The following SEMA6A variants were observed in gnomAD, a reference collection of about 807,000 sequenced individuals.
SEMA6A encodes the protein semaphorin-6A.
In SEMA6A, 25 loss-of-function variants were observed where a neutral mutation model predicts 96.8. The ratio of observed to expected loss-of-function variants is 0.26; its 90% CI spans 0.19 to 0.36. SEMA6A has a LOEUF of 0.36. SEMA6A is among the 10% of genes least tolerant of loss of function. SEMA6A has a pLI of 1.00. For missense variants in SEMA6A, 1,363 were observed against 1,323.1 expected (o/e 1.03, Z -0.47); for synonymous variants, 612 against 518.0 (o/e 1.18, Z -2.46).
rs780547423 is a variant in SEMA6A at position 116,478,534 on chromosome 5, C to T, written c.1427+8G>A. Reference sequence around the variant, plus strand: ...AATTACTAAGAAAGAACCAAATATTCCACTTACTTTTCAGAGTTGTAAACA... The same window carrying T: ...AATTACTAAGAAAGAACCAAATATTTCACTTACTTTTCAGAGTTGTAAACA... On this transcript the variant is annotated splice_region_variant and intron_variant, in intron 13 of 18. Coordinates refer to ENST00000343348, the MANE Select transcript of SEMA6A (RefSeq NM_020796.5). The T allele has an allele frequency of 2.1e-5, 34 of 1,599,328 alleles. 1 individual carries two copies. The highest frequency in any genetic ancestry group is 2.0e-5 in the Non-Finnish European group (23 of 1,172,882).
chr5:116,449,474 ACTT>A, intron 18 of SEMA6A: 1 of 619,796 alleles, frequency 1.6e-6, no homozygotes, highest in South Asian at 1.9e-5. Context: ...GCAACCTTAA[ACTT>A]CTACTGAAAT....
intron 1 of SEMA6A, among the ~76,000 whole-genome samples, chr5:116,549,904 G>A (rs254228): frequency 0.53 from 80,778 of 151,944 alleles, 22,266 homozygotes; most frequent in Middle Eastern, 0.67. Flanking sequence ...GATCGGTCAC[G>A]GCACACATTC....
intron 18 of SEMA6A, among the ~76,000 whole-genome samples, chr5:116,455,236 G>C (rs1334888935): frequency 6.6e-6 from 1 of 152,162 alleles, no homozygotes; most frequent in South Asian, 2.1e-4. Flanking sequence ...GCCAATGGGA[G>C]TGCTACAGCC....
At chr5:116,573,888 G>GA (rs2112931826) in intron 1 of SEMA6A, among the ~76,000 whole-genome samples, 1 of 152,168 alleles carries the variant, frequency 6.6e-6, no homozygotes, top group African/African-American at 2.4e-5. Flanking sequence ...ACCCCCAGGA[G>GA]GAACAGCCAT....
intron 1 of SEMA6A, among the ~76,000 whole-genome samples, chr5:116,506,725 C>T (rs1325210005): frequency 6.6e-6 from 1 of 151,982 alleles, no homozygotes; most frequent in Non-Finnish European, 1.5e-5. Context: ...GCAACTTTTA[C>T]CAGGAGCTCA....
chr5:116,479,292 A>T (rs1329738012), intron 12 of SEMA6A, among the ~76,000 whole-genome samples: 1 of 152,208 alleles, frequency 6.6e-6, no homozygotes, highest in Non-Finnish European at 1.5e-5. Context: ...CATACCTGGG[A>T]TAAGTCCTAC....
rs1343940347 is a variant in SEMA6A at position 116,533,864 on chromosome 5, C to G, written c.-38-28882G>C. On this transcript the variant is annotated intron_variant, in intron 1 of 18. Transcript: ENST00000343348. ...AGTCTCCACTTAGGTCCATGGCTGC[C>G]TCTCCTTCACCTATGCTGGGAATTC... Among the ~76,000 whole-genome samples, 4 of 152,130 alleles carry G rather than the reference C, an allele frequency of 2.6e-5. No individual in the cohort carries two copies. In the South Asian group the frequency reaches 8.3e-4, roughly 32 times the overall value.
At chr5:116,500,246 A>G (rs376988891) in intron 3 of SEMA6A, among the ~76,000 whole-genome samples, 13 of 152,210 alleles carry the variant, frequency 8.5e-5, no homozygotes, top group African/African-American at 2.9e-4. Flanking sequence ...TACCAGCTCT[A>G]TTCCTCAGTA....
chr5:116,549,101 C>G (rs564748199), intron 1 of SEMA6A, among the ~76,000 whole-genome samples: 1 of 152,290 alleles, frequency 6.6e-6, no homozygotes, highest in African/African-American at 2.4e-5. Context: ...TAAATCATCT[C>G]TTAAAACCTA....
intron 1 of SEMA6A, among the ~76,000 whole-genome samples, chr5:116,522,340 G>T (rs1758995213): frequency 6.6e-6 from 1 of 152,106 alleles, no homozygotes. Context: ...CTGATAACCT[G>T]CCAGTTCCCA....
chr5:116,486,891 T>C lies in SEMA6A; in HGVS notation c.820A>G (p.Thr274Ala). 1 of 1,613,806 alleles carries C rather than the reference T, an allele frequency of 6.2e-7. No homozygotes were observed. The highest frequency in any genetic ancestry group is 8.5e-7 in the Non-Finnish European group (1 of 1,179,784). ...TTCAAGCGCGCCTTCAGGAACGACG[T>C]CCACTGTTTCTCCAGGACTCTTTGA... The part of the protein sequence containing the change: ...GSQRVLEKQW[T>A]SFLKARLNCS... Residue 274 changes from threonine to alanine, a missense_variant, in exon 10 of 19, where the codon ACG becomes GCG. Thr to Ala is a moderately conservative substitution (Grantham distance 58, BLOSUM62 0). Around this residue, in one of 2 missense-constraint regions of SEMA6A, gnomAD observed 480 missense variants for 559.5 expected, o/e 0.86. Coordinates refer to ENST00000343348, the MANE Select transcript of SEMA6A (RefSeq NM_020796.5).
At chr5:116,537,341 A>G (rs1022458030) in intron 1 of SEMA6A, among the ~76,000 whole-genome samples, 4 of 152,228 alleles carry the variant, frequency 2.6e-5, no homozygotes, top group African/African-American at 9.6e-5. Context: ...TTACTCAAAG[A>G]CACATGGATA....
intron 1 of SEMA6A, among the ~76,000 whole-genome samples, chr5:116,566,143 A>G (rs191789334): frequency 6.6e-6 from 1 of 152,316 alleles, no homozygotes; most frequent in African/African-American, 2.4e-5. Context: ...ATTGTATTTA[A>G]TGCCAGATCC....
At chr5:116,472,992 A>C in intron 17 of SEMA6A, 81 bp downstream of exon 17, 1 of 1,523,934 alleles carries the variant, frequency 6.6e-7, no homozygotes, top group Non-Finnish European at 8.8e-7. Flanking sequence ...AGATTTGAAC[A>C]TACTCAAGAG....
intron 18 of SEMA6A, among the ~76,000 whole-genome samples, chr5:116,462,115 T>G (rs951185590): frequency 6.6e-6 from 1 of 152,146 alleles, no homozygotes; most frequent in Non-Finnish European, 1.5e-5. Context: ...TTACCTTCTG[T>G]GTTGGGAGAA....
chr5:116,479,348 TG>T (rs1756635154), intron 12 of SEMA6A, among the ~76,000 whole-genome samples: 1 of 152,202 alleles, frequency 6.6e-6, no homozygotes, highest in South Asian at 2.1e-4. Flanking sequence ...TGACACTCCA[TG>T]GGGACCTAGT....
chr5:116,534,258 CTT>C (rs1759616024), intron 1 of SEMA6A, among the ~76,000 whole-genome samples: 1 of 152,232 alleles, frequency 6.6e-6, no homozygotes, highest in South Asian at 2.1e-4. Context: ...CCTTCCCTGT[CTT>C]TGCTGCCACC....
chr5:116,474,460 A>T (rs542145555), intron 16 of SEMA6A, among the ~76,000 whole-genome samples: 9 of 152,216 alleles, frequency 5.9e-5, no homozygotes, highest in African/African-American at 2.2e-4. Context: ...ATGCTTATTT[A>T]TTAACTCATC....
rs535840581 is a variant in SEMA6A at position 116,562,875 on chromosome 5, A to C, written c.-39+11310T>G. ...CGGGCCACAGGAGGAAATAGGACAA[A>C]GACTCCTGGACCTGGGGCCCAGTCG... On this transcript the variant is annotated intron_variant, in intron 1 of 18. Coordinates refer to ENST00000343348, the MANE Select transcript of SEMA6A (RefSeq NM_020796.5). 7.9e-6 allele frequency: 5 copies of C among 633,428 alleles called. No homozygotes were observed. In the East Asian group the frequency reaches 1.7e-4, roughly 21 times the overall value. 39.2% of individuals were successfully genotyped at this position (633,428 alleles called of 1,614,324 possible).
Sources: gnomAD v4.1 joint callset for allele counts (sites outside exome capture counted in the v4.1 genomes callset) on GRCh38, gnomAD v4.1.1 for gene constraint, gnomAD v4.1.1 regional missense constraint, MANE v1.5 for transcripts, NCBI Gene and HGNC (gene_info 2026-07-23, HGNC 2026-07-21) for gene names.